The following KLHL12 variants were observed in gnomAD, a reference collection of about 807,000 sequenced individuals.
The protein encoded by KLHL12 is kelch like family member 12, also known as kelch-like protein 12.
A neutral mutation model predicts 60.8 loss-of-function variants in KLHL12; 17 were observed. That is an observed-to-expected ratio of 0.28 (90% CI 0.19 to 0.42). The LOEUF (loss-of-function observed/expected upper bound fraction) is 0.42. Ranked by LOEUF, KLHL12 falls within the 10% of genes least tolerant of loss-of-function variation. KLHL12 has a pLI of 1.00. For missense variants in KLHL12, 468 were observed against 722.3 expected, an observed-to-expected ratio of 0.65 and a Z score of 4.04; for synonymous variants, 220 against 250.9, an observed-to-expected ratio of 0.88 and a Z score of 1.16.
chr1:202,905,419 T>C (rs898031481), intron 6 of KLHL12, among the ~76,000 whole-genome samples: 5 of 152,348 alleles, frequency 3.3e-5, no homozygotes, highest in Admixed American at 6.5e-5. Flanking sequence ...TCTGTTGATA[T>C]AAAGAACTGG....
At chr1:202,912,428 C>A in intron 4 of KLHL12, 1 of 825,642 alleles carries the variant, frequency 1.2e-6, no homozygotes, top group South Asian at 1.3e-5. Flanking sequence ...TTGGTTTGGT[C>A]GTGGAGGTGG....
Position 202,894,620 on chromosome 1 carries a change from A to G in KLHL12, c.1265T>C (p.Val422Ala). 1.9e-6 allele frequency: 3 copies of G among 1,614,054 alleles called. No individual in the cohort carries two copies. The highest frequency in any genetic ancestry group is 1.6e-4 in the Middle Eastern group (1 of 6,062). The change falls in exon 9 of 12, where the codon GTA (valine) becomes GCA (alanine). Residue 422 changes from valine (V) to alanine (A), a missense_variant. By Grantham distance (64) the Val-to-Ala change is moderately conservative. This residue lies in a region of KLHL12 where 339 missense variants were observed against 525.0 expected (regional missense o/e 0.65). Transcript: ENST00000367261. ...ACAGTAGATCACTCCACTGGCCACTACGAGTCCGGCACCTTCCCGGGCTGT... is the reference window on the plus strand; with the variant it reads ...ACAGTAGATCACTCCACTGGCCACTGCGAGTCCGGCACCTTCCCGGGCTGT... ...MQTAREGAGL[V>A]VASGVIYCLG...
intron 7 of KLHL12, among the ~76,000 whole-genome samples, chr1:202,896,581 TAGGAA>T (rs1659841372): frequency 6.6e-6 from 1 of 152,230 alleles, no homozygotes; most frequent in East Asian, 1.9e-4. Context: ...TGAAATGTGC[TAGGAA>T]TTATACAGAC....
At chr1:202,911,580 G>C (rs879779108) in intron 4 of KLHL12, among the ~76,000 whole-genome samples, 3 of 151,962 alleles carry the variant, frequency 2.0e-5, no homozygotes, top group Non-Finnish European at 2.9e-5. Context: ...TAACTTTAAG[G>C]AAGGCAGGTG....
intron 6 of KLHL12, among the ~76,000 whole-genome samples, chr1:202,907,135 T>C (rs969004814): frequency 2.6e-5 from 4 of 152,238 alleles, no homozygotes; most frequent in Non-Finnish European, 5.9e-5. Context: ...TCACATTTTG[T>C]CATCTTGCAG....
In KLHL12 at chr1:202,893,429, G is replaced by A. The variant is rs760589125; in HGVS notation, c.1394-4C>T. Reference sequence around the variant, plus strand: ...TTCAGCAGGGCTACTCCTGCACCTGGGGAAAATGAATGCATTAGCAAATGT... The same window carrying A: ...TTCAGCAGGGCTACTCCTGCACCTGAGGAAAATGAATGCATTAGCAAATGT... On this transcript the variant is annotated splice_polypyrimidine_tract_variant and splice_region_variant and intron_variant, in intron 10 of 11. Transcript: ENST00000367261. The surrounding 1 kb of genome is among the most constrained non-coding windows in gnomAD (Gnocchi z 4.1). 16 of 1,608,016 alleles carry A rather than the reference G, an allele frequency of 1.0e-5. No homozygotes were observed. The South Asian group carries it at 1.5e-4, about 16-fold the overall frequency.
chr1:202,901,435 T>C (rs1017130072), intron 6 of KLHL12, among the ~76,000 whole-genome samples: 1 of 148,896 alleles, frequency 6.7e-6, no homozygotes, highest in Admixed American at 6.8e-5. Flanking sequence ...GGGAGCACAG[T>C]GTGTGCCACC....
intron 2 of KLHL12, 39 bp downstream of exon 2, chr1:202,924,928 TC>T: frequency 6.3e-7 from 1 of 1,589,282 alleles, no homozygotes; most frequent in South Asian, 1.1e-5. Context: ...CAACTAGAGT[TC>T]CACGGGTTTC....
chr1:202,892,343 C>A lies in KLHL12; in HGVS notation c.*190G>T. The stretch of plus-strand genomic sequence containing the variant: ...TTCTTTTTCCTGGAATATCTGTTAC[C>A]CACCCTTCTCAGGAACAAGAACCAG... On this transcript the variant is annotated 3_prime_UTR_variant, in exon 12 of 12. Transcript: ENST00000367261. The A allele has an allele frequency of 3.5e-6, 2 of 564,694 alleles. No individual in the cohort carries two copies. The highest frequency in any genetic ancestry group is 1.9e-5 in the African/African-American group (1 of 52,716). The allele number at this position is 564,694 out of a possible 1,614,324, so 35.0% of individuals were successfully genotyped here.
At chr1:202,894,321 C>T (rs1439861120) in intron 9 of KLHL12, 39 bp from the exon 10 acceptor site, 8 of 1,370,980 alleles carry the variant, frequency 5.8e-6, no homozygotes, top group Non-Finnish European at 7.1e-6. Context: ...GTGGTAAATC[C>T]TCATGCCCAT....
Position 202,927,150 on chromosome 1 carries a change from G to C in KLHL12, c.-107C>G, listed in dbSNP as rs533165554. Reference sequence around the variant, plus strand: ...TCCCCAGCCTGTGGGGATGGAGTGCGGCGCGGGGCTAGCAGGCGGCTCGGG... The same window carrying C: ...TCCCCAGCCTGTGGGGATGGAGTGCCGCGCGGGGCTAGCAGGCGGCTCGGG... On this transcript the variant is annotated 5_prime_UTR_variant, in exon 1 of 12. Transcript: ENST00000367261. 3 of 985,362 alleles carry C rather than the reference G, an allele frequency of 3.0e-6. No homozygotes were observed. The allele number at this position is 985,362 out of a possible 1,614,324, so 61.0% of individuals were successfully genotyped here.
rs1158704351 is a variant in KLHL12, at chr1:202,894,362, C to T, written c.1295-80G>A. On this transcript the variant is annotated intron_variant, in intron 9 of 11. Coordinates refer to ENST00000367261, the MANE Select transcript of KLHL12 (RefSeq NM_021633.4). ...GTCGGTTTTTTTCTGAGTGCTTCAA[C>T]TAATTATTTTAGTTTCAATTTTCCC... 48 of 987,840 alleles carry T rather than the reference C, an allele frequency of 4.9e-5. No individual in the cohort carries two copies. The South Asian group carries it at 7.0e-4, about 14-fold the overall frequency. 61.2% of individuals were successfully genotyped at this position (987,840 alleles called of 1,614,324 possible). A position where few individuals can be genotyped will look rare whatever the true frequency, so the allele number is the denominator to read the frequency against.
At chr1:202,920,502 G>A (rs540702981) in intron 2 of KLHL12, among the ~76,000 whole-genome samples, 71 of 143,928 alleles carry the variant, frequency 4.9e-4, no homozygotes, top group Admixed American at 1.0e-3. Context: ...TCAGCCTCCC[G>A]AGTAGTTTGG....
chr1:202,896,496 T>A (rs1174766159), intron 7 of KLHL12, among the ~76,000 whole-genome samples: 1 of 152,154 alleles, frequency 6.6e-6, no homozygotes, highest in Admixed American at 6.6e-5. Context: ...CAGCCCAAAC[T>A]TCTGAGCTCA....
intron 6 of KLHL12, among the ~76,000 whole-genome samples, chr1:202,897,476 G>C (rs534409052): frequency 6.6e-6 from 1 of 151,680 alleles, no homozygotes; most frequent in Non-Finnish European, 1.5e-5. Flanking sequence ...CGCCAGCCTC[G>C]ACCTCCCAAA....
rs779604147 is a variant in KLHL12 at position 202,918,166 on chromosome 1, C to T, written c.567+5G>A. The T allele has an allele frequency of 2.4e-5, 38 of 1,605,232 alleles. No homozygotes were observed. Among genetic ancestry groups the T allele is most frequent in the East Asian group, 8.9e-5 (4 of 44,852 alleles). On this transcript the variant is annotated splice_donor_5th_base_variant and intron_variant, in intron 4 of 11. Transcript: ENST00000367261. ...AGAAACCATAACATCAAGACAAATC[C>T]GTACCTGAATTTCGTCGCACTTGAT... is the stretch of plus-strand genomic sequence containing the variant.
At position 202,918,326 on chromosome 1, in the gene KLHL12, T is replaced by A; in HGVS notation, c.412A>T (p.Ile138Phe). ...SQLDPSNCLG[I>F]RDFAETHNCV... ...TTGTGGGTTTCAGCAAAATCCCTAA[T>A]ACCCAGGCAATTAGAAGGGTCCAAC... Residue 138 changes from isoleucine (I) to phenylalanine (F), a missense_variant, in exon 4 of 12, where the codon ATT (isoleucine) becomes TTT (phenylalanine). By Grantham distance (21) the Ile-to-Phe change is conservative (BLOSUM62 0). This residue lies in a region of KLHL12 where 339 missense variants were observed against 525.0 expected (regional missense o/e 0.65). Coordinates refer to ENST00000367261, the MANE Select transcript of KLHL12 (RefSeq NM_021633.4). 6.2e-7 allele frequency: 1 copy of A among 1,614,150 alleles called. No individual in the cohort carries two copies. Among genetic ancestry groups the A allele is most frequent in the South Asian group, 1.1e-5 (1 of 91,084 alleles).
intron 6 of KLHL12, among the ~76,000 whole-genome samples, chr1:202,901,777 A>G (rs1167025008): frequency 6.6e-6 from 1 of 152,222 alleles, no homozygotes; most frequent in Non-Finnish European, 1.5e-5. Flanking sequence ...AGAGCTTTTG[A>G]TAACTATGAG....
intron 6 of KLHL12, among the ~76,000 whole-genome samples, chr1:202,902,933 C>T (rs1042658153): frequency 2.6e-5 from 4 of 151,270 alleles, no homozygotes; most frequent in South Asian, 4.2e-4. Context: ...AGGAAGTGGA[C>T]GCTGCAGTGA....
Sources: gnomAD v4.1 joint callset for allele counts (sites outside exome capture counted in the v4.1 genomes callset) on GRCh38, gnomAD v4.1.1 for gene constraint, gnomAD v4.1.1 regional missense constraint, Gnocchi (gnomAD v3.1) non-coding constraint, MANE v1.5 for transcripts, NCBI Gene and HGNC (gene_info 2026-07-23, HGNC 2026-07-21) for gene names.